Variants in CELF5 observed in about 807,000 individuals in gnomAD.
CELF5 encodes the protein CUGBP Elav-like family member 5.
CELF5 carries 6 observed loss-of-function variants against 54.9 expected under a neutral mutation model. That is an observed-to-expected ratio of 0.11 (90% CI 0.06 to 0.22). CELF5 has a LOEUF of 0.22. CELF5 is among the 10% of genes least tolerant of loss of function. The pLI, the probability that CELF5 is intolerant of heterozygous loss-of-function variation, is 1.00. For missense variants in CELF5, 401 were observed against 678.6 expected (o/e 0.59, Z 4.54); for synonymous variants, 271 against 290.9 (o/e 0.93, Z 0.70).
chr19:3,288,029 G>A (rs967174503), intron 10 of CELF5, among the ~76,000 whole-genome samples: 6 of 152,224 alleles, frequency 3.9e-5, no homozygotes, highest in African/African-American at 1.4e-4. Flanking sequence ...TGGGGAAGGT[G>A]CAGCTCACAG....
chr19:3,225,646 G>A (rs909934452), intron 1 of CELF5: 7 of 967,076 alleles, frequency 7.2e-6, no homozygotes, highest in African/African-American at 1.8e-5. Context: ...CGGGTTGGGG[G>A]CGCCCGGCTC....
At chr19:3,270,408 G>A (rs1162395595) in intron 2 of CELF5, among the ~76,000 whole-genome samples, 2 of 152,032 alleles carry the variant, frequency 1.3e-5, no homozygotes, top group Admixed American at 6.5e-5. Flanking sequence ...AGAGGGAGCC[G>A]GGAGGAGGTG....
intron 1 of CELF5, among the ~76,000 whole-genome samples, chr19:3,245,958 C>A (rs1340976239): frequency 6.6e-6 from 1 of 152,152 alleles, no homozygotes; most frequent in Non-Finnish European, 1.5e-5. Flanking sequence ...CTAATAGAGC[C>A]CGACATAGGC....
intron 1 of CELF5, among the ~76,000 whole-genome samples, chr19:3,241,922 G>A (rs140835523): frequency 6.6e-6 from 1 of 152,162 alleles, no homozygotes; most frequent in African/African-American, 2.4e-5. Flanking sequence ...CCAGAGGCGC[G>A]CGCCGCCACG....
chr19:3,293,276 C>T, intron 11 of CELF5, 43 bp from the exon 12 acceptor site: 2 of 1,610,660 alleles, frequency 1.2e-6, no homozygotes, highest in Non-Finnish European at 1.7e-6. Flanking sequence ...AAGCCGAGGA[C>T]ACCCGCAGCG....
At position 3,224,880 on chromosome 19, in the gene CELF5, C is replaced by G; in HGVS notation, c.141C>G (p.Leu47=). The G allele has an allele frequency of 6.2e-7, 1 of 1,608,602 alleles. No homozygotes were observed. Among genetic ancestry groups the G allele is most frequent in the Non-Finnish European group, 8.5e-7 (1 of 1,178,098 alleles). Residue 47 remains leucine, a synonymous_variant, in exon 1 of 13, where the codon CTC becomes CTG. Transcript: ENST00000292672. The part of the protein sequence containing the change: ...DGMKDLDAIK[L]FVGQIPRHLD... ...TGAAGGACCTGGACGCCATCAAACTCTTCGTGGGCCAGATCCCGCGGCACC... is the reference window on the plus strand; with the variant it reads ...TGAAGGACCTGGACGCCATCAAACTGTTCGTGGGCCAGATCCCGCGGCACC...
At chr19:3,293,515 C>A in intron 12 of CELF5, 29 bp downstream of exon 12, 1 of 1,562,950 alleles carries the variant, frequency 6.4e-7, no homozygotes, top group Non-Finnish European at 8.7e-7. Flanking sequence ...CCACCCCCGC[C>A]CAAGCCCCCC....
At chr19:3,240,585 CCCAGAGTGCT>C (rs2079477950) in intron 1 of CELF5, among the ~76,000 whole-genome samples, 1 of 152,046 alleles carries the variant, frequency 6.6e-6, no homozygotes, top group Non-Finnish European at 1.5e-5. Context: ...GCCTCGGCCT[CCCAGAGTGCT>C]GGGATTACAG....
At chr19:3,285,555 C>G (rs2080227806) in intron 9 of CELF5, among the ~76,000 whole-genome samples, 1 of 149,174 alleles carries the variant, frequency 6.7e-6, no homozygotes, top group Admixed American at 6.7e-5. Flanking sequence ...CCACTGTGAC[C>G]CCACCCCTCA....
intron 1 of CELF5, among the ~76,000 whole-genome samples, chr19:3,227,377 C>T (rs1916985337): frequency 1.3e-5 from 2 of 152,158 alleles, no homozygotes; most frequent in South Asian, 2.1e-4. Context: ...TGAGTTCAGA[C>T]ACCTGCCACC....
chr19:3,294,733 CA>C (rs1410070499), intron 12 of CELF5: 1 of 152,052 alleles, frequency 6.6e-6, no homozygotes, highest in Non-Finnish European at 1.5e-5. Flanking sequence ...GGATGGAGGA[CA>C]GGGGAGAAAC....
At chr19:3,226,440 T>TCACACACACACA (rs71164666) in intron 1 of CELF5, among the ~76,000 whole-genome samples, 22,578 of 118,600 alleles carry the variant, frequency 0.19, 2,595 homozygotes, top group East Asian at 0.31. Flanking sequence ...AAACCAACCA[T>TCACACACACACA]CACACACACA....
chr19:3,233,714 C>T (rs531108723), intron 1 of CELF5, among the ~76,000 whole-genome samples: 24 of 152,166 alleles, frequency 1.6e-4, no homozygotes, highest in Admixed American at 7.2e-4. Flanking sequence ...GAGGGAGTCG[C>T]GCAGGTTGTT....
intron 9 of CELF5, 27 bp downstream of exon 9, chr19:3,284,991 T>TGGGCCC (rs940076006): frequency 7.3e-6 from 11 of 1,513,786 alleles, no homozygotes; most frequent in Non-Finnish European, 9.1e-6. Flanking sequence ...GTGCCCGCGC[T>TGGGCCC]GGGCCCTGGC....
intron 1 of CELF5, among the ~76,000 whole-genome samples, chr19:3,236,845 T>C (rs1395544968): frequency 1.4e-5 from 2 of 145,932 alleles, no homozygotes; most frequent in African/African-American, 2.5e-5. Flanking sequence ...ACTAGCTGGG[T>C]GTGGTGGCGG....
At chr19:3,248,632 T>A (rs1599410938) in intron 1 of CELF5, among the ~76,000 whole-genome samples, 1 of 152,208 alleles carries the variant, frequency 6.6e-6, no homozygotes, top group African/African-American at 2.4e-5. Context: ...GACGCCTGGG[T>A]TGCTTCCGCC....
chr19:3,290,290 C>G lies in CELF5; in HGVS notation c.1246C>G (p.Leu416Val). 2 of 1,613,898 alleles carry G rather than the reference C, an allele frequency of 1.2e-6. No homozygotes were observed. The highest frequency in any genetic ancestry group is 2.2e-5 in the East Asian group (1 of 44,866). Residue 416 changes from leucine to valine, a missense_variant, in exon 11 of 13, where the codon CTG becomes GTG. Leu to Val is a conservative substitution (Grantham distance 32). Coordinates refer to ENST00000292672, the MANE Select transcript of CELF5 (RefSeq NM_021938.4). ...CCCCCAGGAGTTTGGAGACACGGAG[C>G]TGACGCAGATGTTCCTACCCTTCGG... ...HLPQEFGDTE[L>V]TQMFLPFGNI...
Position 3,290,295 on chromosome 19 carries a change from G to T in CELF5, c.1251G>T (p.Thr417=), listed in dbSNP as rs753981525. 22 of 1,613,822 alleles carry T rather than the reference G, an allele frequency of 1.4e-5. No homozygotes were observed. Among genetic ancestry groups the T allele is most frequent in the Middle Eastern group, 1.6e-4 (1 of 6,084 alleles). Residue 417 remains threonine (T), a synonymous_variant, in exon 11 of 13, where the codon ACG becomes ACT. Coordinates refer to ENST00000292672, the MANE Select transcript of CELF5 (RefSeq NM_021938.4). ...AGGAGTTTGGAGACACGGAGCTGACGCAGATGTTCCTACCCTTCGGCAATA... is the reference window on the plus strand; with the variant it reads ...AGGAGTTTGGAGACACGGAGCTGACTCAGATGTTCCTACCCTTCGGCAATA... ...LPQEFGDTEL[T]QMFLPFGNII...
chr19:3,278,083 C>A lies in CELF5; in HGVS notation c.576C>A (p.His192Gln). ...SSHTEAQAAI[H>Q]ALHGSQTMPG... ...ACACGGAGGCGCAGGCGGCCATCCACGCCTTGCATGGGAGCCAGACCATGC... is the reference window on the plus strand; with the variant it reads ...ACACGGAGGCGCAGGCGGCCATCCAAGCCTTGCATGGGAGCCAGACCATGC... Residue 192 changes from histidine (H) to glutamine (Q), a missense_variant, in exon 5 of 13, where the codon CAC (histidine) becomes CAA (glutamine). This residue lies in a region of CELF5 where 87 missense variants were observed against 190.2 expected (regional missense o/e 0.46). Transcript: ENST00000292672. The surrounding 1 kb of genome is among the most constrained non-coding windows in gnomAD (Gnocchi z 4.5). The A allele has an allele frequency of 6.2e-7, 1 of 1,612,106 alleles. No homozygotes were observed. Among genetic ancestry groups the A allele is most frequent in the Non-Finnish European group, 8.5e-7 (1 of 1,179,584 alleles).
Sources: allele counts gnomAD v4.1 joint callset (sites outside exome capture counted in the v4.1 genomes callset), GRCh38; gene constraint gnomAD v4.1.1; regional missense constraint gnomAD v4.1.1; non-coding constraint Gnocchi (gnomAD v3.1); transcripts MANE v1.5; gene names NCBI Gene and HGNC (gene_info 2026-07-23, HGNC 2026-07-21).